Variants in USH2A observed in about 807,000 individuals in gnomAD.
The protein encoded by USH2A is Usher syndrome 2A (autosomal recessive, mild).
In USH2A, 443 loss-of-function variants were observed where a neutral mutation model predicts 538.9. The observed-to-expected ratio is 0.82, with a 90% CI of 0.76 to 0.89. USH2A has a LOEUF of 0.89. USH2A is among the 40% of genes least tolerant of loss of function. The probability of loss-of-function intolerance (pLI) is 0.00; values close to 1 mark genes in which losing one functional copy is unlikely to be tolerated. For synonymous variants in USH2A, 2,413 were observed against 2,273.5 expected, an observed-to-expected ratio of 1.06 and a Z score of -1.75; for missense variants, 6,633 against 6,324.8, an observed-to-expected ratio of 1.05 and a Z score of -1.65.
intron 38 of USH2A, among the ~76,000 whole-genome samples, chr1:215,908,119 T>C (rs894194058): frequency 2.1e-5 from 3 of 142,136 alleles, no homozygotes; most frequent in African/African-American, 7.9e-5. Context: ...TTCACAGATA[T>C]AAAAACTGAG....
At chr1:215,695,250 AG>A (rs144942802) in intron 61 of USH2A, among the ~76,000 whole-genome samples, 224 of 152,338 alleles carry the variant, frequency 1.5e-3, no homozygotes, top group African/African-American at 5.1e-3. Flanking sequence ...TATAAGATGG[AG>A]AAGGGCAGCC....
intron 67 of USH2A, 131 bp from the exon 68 acceptor site, chr1:215,640,865 A>C: frequency 1.0e-6 from 1 of 999,682 alleles, no homozygotes; most frequent in Non-Finnish European, 1.5e-6. Flanking sequence ...AAAAAAAAGA[A>C]AACCAACATT....
At chr1:215,647,798 C>T (rs1018825757) in intron 66 of USH2A, 68 bp from the exon 67 acceptor site, 11 of 1,565,426 alleles carry the variant, frequency 7.0e-6, no homozygotes, top group Non-Finnish European at 9.6e-6. Context: ...TCTTTTAAAA[C>T]CAGTTCTATT....
rs1196117398 is a variant in USH2A at position 215,627,453 on chromosome 1, C to CCTTCCTTCT, written c.15519+1360_15519+1361insAGAAGGAAG. Among the ~76,000 whole-genome samples the CCTTCCTTCT allele has an allele frequency of 1.7e-3, 183 of 104,808 alleles. 15 individuals carry two copies. The highest frequency in any genetic ancestry group is 2.3e-3 in the Non-Finnish European group (110 of 48,204). 68.8% of individuals were successfully genotyped at this position (104,808 alleles called of 152,430 possible). A position where few individuals can be genotyped will look rare whatever the true frequency, so the allele number is the denominator to read the frequency against. On this transcript the variant is annotated intron_variant, in intron 71 of 71. Transcript: ENST00000307340. ...CCTTCCTTCCTTCCTTCCTTCCTTC[C>CCTTCCTTCT]TTCCTTCCTTCCTTCCTTCCTTCCT...
intron 69 of USH2A, among the ~76,000 whole-genome samples, chr1:215,635,531 TTTTATTTATTTA>T (rs35379579): frequency 1.1e-4 from 16 of 142,142 alleles, no homozygotes; most frequent in South Asian, 9.1e-4. Flanking sequence ...GTAGGATTAT[TTTTATTTATTTA>T]TTTATTTATT....
At chr1:216,325,234 G>A in intron 6 of USH2A, 71 bp downstream of exon 6, 11 of 1,510,834 alleles carry the variant, frequency 7.3e-6, no homozygotes, top group South Asian at 1.1e-5. Context: ...GTTGTTTTAA[G>A]ACATGAAGTT....
intron 61 of USH2A, among the ~76,000 whole-genome samples, chr1:215,710,100 T>G (rs1659296696): frequency 6.6e-6 from 1 of 152,184 alleles, no homozygotes; most frequent in Non-Finnish European, 1.5e-5. Context: ...CATAGGGAAC[T>G]CCCCATCCCA....
intron 11 of USH2A, among the ~76,000 whole-genome samples, chr1:216,262,867 G>A (rs1346928009): frequency 6.6e-6 from 1 of 151,660 alleles, no homozygotes; most frequent in Non-Finnish European, 1.5e-5. Context: ...TATTTTGAAA[G>A]ATAATATTGA....
At chr1:216,406,040 T>C (rs1482033463) in intron 3 of USH2A, among the ~76,000 whole-genome samples, 2 of 152,150 alleles carry the variant, frequency 1.3e-5, no homozygotes, top group African/African-American at 4.8e-5. Context: ...GTGGCAGCAG[T>C]AGGGGAAGGG....
intron 61 of USH2A, among the ~76,000 whole-genome samples, chr1:215,695,193 T>C (rs1167934943): frequency 1.3e-5 from 2 of 152,222 alleles, no homozygotes; most frequent in African/African-American, 2.4e-5. Flanking sequence ...AAAAGCTTCT[T>C]GCAGAACTCT....
intron 49 of USH2A, among the ~76,000 whole-genome samples, chr1:215,801,833 A>G (rs905580787): frequency 2.2e-4 from 33 of 152,110 alleles, no homozygotes; most frequent in Non-Finnish European, 1.0e-4. Flanking sequence ...TTGAAAAAGA[A>G]CAAAGTTGGA....
chr1:215,992,199 G>T (rs1668018431), intron 35 of USH2A, among the ~76,000 whole-genome samples: 1 of 152,046 alleles, frequency 6.6e-6, no homozygotes, highest in African/African-American at 2.4e-5. Context: ...TTTCAGTAAT[G>T]AGTTTCTTAA....
intron 64 of USH2A, among the ~76,000 whole-genome samples, chr1:215,658,558 C>T (rs1049463279): frequency 4.6e-5 from 7 of 152,186 alleles, no homozygotes; most frequent in African/African-American, 1.7e-4. Context: ...CATCTTCCTA[C>T]ATAAGGCCAT....
chr1:215,866,876 C>T, intron 44 of USH2A, 131 bp downstream of exon 44: 1 of 1,272,054 alleles, frequency 7.9e-7, no homozygotes, highest in Non-Finnish European at 1.1e-6. Context: ...TGTCAATCTG[C>T]AATTGGTAAA....
intron 56 of USH2A, among the ~76,000 whole-genome samples, chr1:215,763,619 C>T (rs1661043978): frequency 6.6e-6 from 1 of 152,020 alleles, no homozygotes; most frequent in African/African-American, 2.4e-5. Context: ...GTCCATGTTG[C>T]TTTGCTAAGG....
chr1:215,928,660 C>T (rs1218826194), intron 38 of USH2A, among the ~76,000 whole-genome samples: 8 of 152,134 alleles, frequency 5.3e-5, no homozygotes, highest in Non-Finnish European at 8.8e-5. Context: ...TAGGGCTTGA[C>T]TCTTGAAACC....
At position 216,382,975 on chromosome 1, in the gene USH2A, C is replaced by A. The variant is rs189227319; in HGVS notation, c.652-17890G>T. Among the ~76,000 whole-genome samples, 384 of 152,082 alleles carry A rather than the reference C, an allele frequency of 2.5e-3. 2 individuals carry two copies. The highest frequency in any genetic ancestry group is 8.7e-3 in the African/African-American group (360 of 41,488). ...CAAAATTAAGGGATTAAAAATATGA[C>A]CTGAATATTCAGCTAAGAAAAGCTT... On this transcript the variant is annotated intron_variant, in intron 3 of 71. Coordinates refer to ENST00000307340, the MANE Select transcript of USH2A (RefSeq NM_206933.4).
At chr1:216,362,341 C>G (rs1216715044) in intron 4 of USH2A, among the ~76,000 whole-genome samples, 1 of 151,986 alleles carries the variant, frequency 6.6e-6, no homozygotes, top group Non-Finnish European at 1.5e-5. Flanking sequence ...TAAAAAGCTA[C>G]TCAAACTCAT....
At chr1:215,673,994 A>G in intron 63 of USH2A, 106 bp downstream of exon 63, 1 of 1,593,456 alleles carries the variant, frequency 6.3e-7, no homozygotes, top group East Asian at 2.2e-5. Context: ...GGTTGGGGAC[A>G]CCTTGCATCC....
Sources: gnomAD v4.1 joint callset for allele counts (sites outside exome capture counted in the v4.1 genomes callset) on GRCh38, gnomAD v4.1.1 for gene constraint, MANE v1.5 for transcripts, NCBI Gene and HGNC (gene_info 2026-07-23, HGNC 2026-07-21) for gene names.